CSMD3: variants seen among roughly 807,000 people sequenced by gnomAD.
The protein encoded by CSMD3 is CUB and sushi domain-containing protein 3.
CSMD3 carries 177 observed loss-of-function variants against 435.2 expected under a neutral mutation model. The observed-to-expected ratio is 0.41, with a 90% CI of 0.36 to 0.46. The LOEUF (loss-of-function observed/expected upper bound fraction) is 0.46, where lower values mean the gene tolerates loss of function less well. Ranked by LOEUF, CSMD3 falls within the 20% of genes least tolerant of loss-of-function variation. The pLI is 0.34. For synonymous variants in CSMD3, 1,656 were observed against 1,520.5 expected (o/e 1.09, Z -2.07); for missense variants, 4,265 against 4,504.6 (o/e 0.95, Z 1.52).
chr8:113,389,263 G>T (rs992475474), intron 1 of CSMD3, among the ~76,000 whole-genome samples: 1 of 151,396 alleles, frequency 6.6e-6, no homozygotes, highest in South Asian at 2.1e-4. Flanking sequence ...TTTCTCATAA[G>T]GAAATTTATC....
chr8:112,878,150 AT>A (rs1232291224), intron 10 of CSMD3, among the ~76,000 whole-genome samples: 2 of 152,158 alleles, frequency 1.3e-5, no homozygotes, highest in East Asian at 1.9e-4. Context: ...ATGGGAGAAA[AT>A]TTTTGCAATG....
intron 32 of CSMD3, among the ~76,000 whole-genome samples, chr8:112,457,033 T>C (rs1013216057): frequency 6.6e-6 from 1 of 152,102 alleles, no homozygotes; most frequent in Non-Finnish European, 1.5e-5. Flanking sequence ...TGTCATGAGA[T>C]AATATTATGT....
chr8:113,223,039 A>G (rs2132139798), intron 3 of CSMD3, among the ~76,000 whole-genome samples: 1 of 150,936 alleles, frequency 6.6e-6, no homozygotes, highest in Non-Finnish European at 1.5e-5. Flanking sequence ...GCTTATTCCT[A>G]AAAAGAGTAT....
chr8:113,409,433 TC>T (rs1394714566), intron 1 of CSMD3, among the ~76,000 whole-genome samples: 12 of 152,074 alleles, frequency 7.9e-5, no homozygotes, highest in Admixed American at 5.2e-4. Flanking sequence ...CTATCTCTTT[TC>T]ACTTTAGGCA....
intron 32 of CSMD3, among the ~76,000 whole-genome samples, chr8:112,441,194 G>A (rs1440923092): frequency 1.3e-5 from 2 of 152,066 alleles, no homozygotes; most frequent in Non-Finnish European, 1.5e-5. Context: ...CTAGGGCAGG[G>A]GTAAAATGCC....
At chr8:113,435,601 C>A (rs2094700818) in intron 1 of CSMD3, among the ~76,000 whole-genome samples, 1 of 151,958 alleles carries the variant, frequency 6.6e-6, no homozygotes, top group African/African-American at 2.4e-5. Context: ...ACAGCACCCC[C>A]TTTCCCGCGA....
Position 112,801,843 on chromosome 8 carries a change from T to G in CSMD3, c.1860-1569A>C, listed in dbSNP as rs540559139. Among the ~76,000 whole-genome samples, 6 of 152,154 alleles carry G rather than the reference T, an allele frequency of 3.9e-5. No homozygotes were observed. In the East Asian group the frequency reaches 1.2e-3, roughly 29 times the overall value. ...CATAGCATGTACATCAGCTATACCA[T>G]ATCAAACATACCAGCAAACTACCTC... On this transcript the variant is annotated intron_variant, in intron 12 of 70. Transcript: ENST00000297405.
intron 11 of CSMD3, among the ~76,000 whole-genome samples, chr8:112,839,276 C>T (rs988006016): frequency 3.6e-4 from 55 of 151,702 alleles, no homozygotes; most frequent in African/African-American, 1.3e-3. Flanking sequence ...CCTTTAATAT[C>T]TGTACACTGG....
intron 53 of CSMD3, among the ~76,000 whole-genome samples, chr8:112,298,982 G>T (rs190050918): frequency 1.2e-4 from 19 of 152,158 alleles, no homozygotes; most frequent in Admixed American, 8.5e-4. Flanking sequence ...ATCAAAAAGA[G>T]AATGGCTGAA....
At chr8:113,023,714 G>A (rs921438653) in intron 5 of CSMD3, among the ~76,000 whole-genome samples, 11 of 152,086 alleles carry the variant, frequency 7.2e-5, no homozygotes, top group Non-Finnish European at 1.5e-4. Context: ...CCATGGTTAA[G>A]AGAGGTGCCC....
chr8:113,409,833 G>T (rs1447614819), intron 1 of CSMD3, among the ~76,000 whole-genome samples: 2 of 151,478 alleles, frequency 1.3e-5, no homozygotes, highest in Non-Finnish European at 1.5e-5. Context: ...GAATGCTTTG[G>T]ATTCTTTGGT....
At chr8:112,951,162 G>T (rs2083795216) in intron 8 of CSMD3, among the ~76,000 whole-genome samples, 1 of 151,632 alleles carries the variant, frequency 6.6e-6, no homozygotes, top group Non-Finnish European at 1.5e-5. Flanking sequence ...TTTCAGAATT[G>T]CCCATAGCTA....
chr8:112,409,061 C>T (rs372825604), intron 32 of CSMD3, 29 bp from the exon 33 acceptor site: 12 of 1,612,624 alleles, frequency 7.4e-6, no homozygotes, highest in Non-Finnish European at 1.0e-5. Flanking sequence ...GAGAAGCAAA[C>T]AAATCACCAA....
At chr8:113,063,088 G>A (rs568070112) in intron 5 of CSMD3, among the ~76,000 whole-genome samples, 1 of 150,542 alleles carries the variant, frequency 6.6e-6, no homozygotes, top group African/African-American at 2.4e-5. Context: ...AAATTCAAAT[G>A]TTTCAATCAC....
intron 28 of CSMD3, 98 bp downstream of exon 28, chr8:112,516,934 CAT>C (rs1823727340): frequency 1.1e-6 from 1 of 872,066 alleles, no homozygotes; most frequent in Admixed American, 2.0e-5. Context: ...CTTAGACTCT[CAT>C]ATAGAATCTA....
At chr8:112,272,047 C>A (rs1817576030) in intron 59 of CSMD3, among the ~76,000 whole-genome samples, 1 of 152,190 alleles carries the variant, frequency 6.6e-6, no homozygotes, top group Admixed American at 6.5e-5. Flanking sequence ...GTAACATGCA[C>A]CCCTTTTGTC....
rs753901604 is a variant in CSMD3 at position 112,341,554 on chromosome 8, C to A, written c.6575G>T (p.Ser2192Ile). ...SGPQIPSSLF[S>I]TTHETSLYFH... ...ATATAAGCTGGTTTCATGGGTGGTG[C>A]TGAATAAGGAAGATGGTATTTGAGG... Residue 2192 changes from serine to isoleucine, a missense_variant, in exon 42 of 71, where the codon AGC becomes ATC. Ser to Ile is a moderately radical substitution (Grantham distance 142, BLOSUM62 -2). Coordinates refer to ENST00000297405, the MANE Select transcript of CSMD3 (RefSeq NM_198123.2). The A allele has an allele frequency of 9.3e-6, 15 of 1,613,036 alleles. No individual in the cohort carries two copies. Among genetic ancestry groups the A allele is most frequent in the Middle Eastern group, 1.6e-4 (1 of 6,080 alleles).
At chr8:112,829,935 C>T (rs2079819301) in intron 11 of CSMD3, 146 bp from the exon 12 acceptor site, 1 of 590,544 alleles carries the variant, frequency 1.7e-6, no homozygotes, top group Admixed American at 2.9e-5. Context: ...ACAAGCAGTT[C>T]AATTATGTAT....
At chr8:112,887,262 C>T (rs1360363629) in intron 10 of CSMD3, among the ~76,000 whole-genome samples, 1 of 146,246 alleles carries the variant, frequency 6.8e-6, no homozygotes, top group African/African-American at 2.5e-5. Flanking sequence ...AAATAACTCA[C>T]CCATGCTCAT....
Sources: gnomAD v4.1 joint callset for allele counts (sites outside exome capture counted in the v4.1 genomes callset) on GRCh38, gnomAD v4.1.1 for gene constraint, MANE v1.5 for transcripts, NCBI Gene and HGNC (gene_info 2026-07-23, HGNC 2026-07-21) for gene names.